SRP19: variants seen among roughly 807,000 people sequenced by gnomAD.
The protein encoded by SRP19 is signal recognition particle 19, also known as signal recognition particle 19 kDa protein.
A neutral mutation model predicts 22.4 loss-of-function variants in SRP19; 11 were observed. The ratio of observed to expected loss-of-function variants is 0.49; its 90% CI spans 0.31 to 0.81. SRP19 has a LOEUF of 0.81. Ranked by LOEUF, SRP19 falls within the 40% of genes least tolerant of loss-of-function variation. The probability of loss-of-function intolerance (pLI) is 0.05; values close to 1 mark genes in which losing one functional copy is unlikely to be tolerated. For missense variants in SRP19, 168 were observed against 175.9 expected, an observed-to-expected ratio of 0.96 and a Z score of 0.25; for synonymous variants, 61 against 57.6, an observed-to-expected ratio of 1.06 and a Z score of -0.27.
At position 112,869,284 on chromosome 5, in the gene SRP19, GGCAGGAAGAAAAGGTAGCTGT is replaced by G. The variant is rs1484115916; in HGVS notation, c.*1750_*1770del. On this transcript the variant is annotated 3_prime_UTR_variant, in exon 5 of 5. Coordinates refer to ENST00000505459, the MANE Select transcript of SRP19 (RefSeq NM_003135.3). ...AGGGCTGATATTTACATGAGTGCAA[GGCAGGAAGAAAAGGTAGCTGT>G]GCCAGCCACTTCTGGCAAGCAGTTC... The G allele has an allele frequency of 1.3e-5, 2 of 152,064 alleles. No individual in the cohort carries two copies. The highest frequency in any genetic ancestry group is 2.9e-5 in the Non-Finnish European group (2 of 68,012). 9.4% of individuals were successfully genotyped at this position (152,064 alleles called of 1,614,324 possible). A position where few individuals can be genotyped will look rare whatever the true frequency, so the allele number is the denominator to read the frequency against.
At chr5:112,884,705 G>T (rs1036520598) in intron 4 of SRP19, among the ~76,000 whole-genome samples, 1 of 151,892 alleles carries the variant, frequency 6.6e-6, no homozygotes, top group African/African-American at 2.4e-5. Flanking sequence ...TATTGAGTCT[G>T]ATTCAGTAGA....
intron 2 of SRP19, 27 bp downstream of exon 2, chr5:112,862,610 C>G: frequency 6.2e-7 from 1 of 1,604,022 alleles, no homozygotes; most frequent in Non-Finnish European, 8.5e-7. Context: ...GCACCTTGAT[C>G]CTCGAGGGAA....
exon 5 of SRP19, chr5:112,892,958 G>A (rs775317900): frequency 4.4e-6 from 7 of 1,594,102 alleles, no homozygotes; most frequent in Middle Eastern, 1.7e-4. Context: ...GACCAGGGCC[G>A]CCGGAGCCAG....
At chr5:112,880,874 A>G (rs1307585365) in intron 4 of SRP19, among the ~76,000 whole-genome samples, 2 of 152,182 alleles carry the variant, frequency 1.3e-5, no homozygotes, top group East Asian at 3.9e-4. Context: ...CATGCCTGTA[A>G]TCCCAGCATT....
chr5:112,874,089 C>T (rs79783070), downstream of SRP19, among the ~76,000 whole-genome samples: 529 of 152,222 alleles, frequency 3.5e-3, 7 homozygotes, highest in East Asian at 0.048. Context: ...TAGCTTGAGC[C>T]CAGGAAATTG....
intron 4 of SRP19, chr5:112,886,931 C>T (rs1425801557): frequency 5.7e-6 from 6 of 1,044,642 alleles, no homozygotes; most frequent in Admixed American, 2.2e-5. Context: ...GGTGATAAGA[C>T]AAGAAGGCCA....
rs1767662428 is a variant in SRP19 at position 112,867,975 on chromosome 5, G to A, written c.*438G>A. The A allele has an allele frequency of 8.1e-6, 8 of 986,788 alleles. No individual in the cohort carries two copies. In the South Asian group the frequency reaches 2.3e-4, roughly 29 times the overall value. The allele number at this position is 986,788 out of a possible 1,614,324, so 61.1% of individuals were successfully genotyped here. On this transcript the variant is annotated 3_prime_UTR_variant, in exon 5 of 5. Coordinates refer to ENST00000505459, the MANE Select transcript of SRP19 (RefSeq NM_003135.3). ...GATAATTAAGAATAAAATATGTAGT[G>A]AAAGTTTCCATAGTGTGAGGCTAAA... is the stretch of plus-strand genomic sequence containing the variant.
chr5:112,892,752 G>C, exon 5 of SRP19: 1 of 1,614,030 alleles, frequency 6.2e-7, no homozygotes, highest in South Asian at 1.1e-5. Flanking sequence ...GGAGGGAGAA[G>C]ATGGGCCACC....
intron 4 of SRP19, among the ~76,000 whole-genome samples, chr5:112,890,958 C>T (rs818425): frequency 0.42 from 63,416 of 150,300 alleles, 15,967 homozygotes; most frequent in African/African-American, 0.67. Flanking sequence ...TTTCTCTGAC[C>T]CAAGAATACT....
downstream of SRP19, among the ~76,000 whole-genome samples, chr5:112,870,845 C>T (rs1002555495): frequency 3.3e-5 from 5 of 152,112 alleles, no homozygotes; most frequent in African/African-American, 1.2e-4. Flanking sequence ...ATACAGGTGC[C>T]ATGCTTTTGG....
downstream of SRP19, among the ~76,000 whole-genome samples, chr5:112,872,924 T>C (rs1332969268): frequency 2.3e-5 from 3 of 129,618 alleles, no homozygotes; most frequent in Non-Finnish European, 3.5e-5. Flanking sequence ...TTTGGCTGGA[T>C]ATAGAATTAC....
intron 4 of SRP19, chr5:112,878,749 G>C: frequency 6.2e-7 from 1 of 1,612,788 alleles, no homozygotes; most frequent in Non-Finnish European, 8.5e-7. Context: ...CCAGTAGGAA[G>C]GTACAGAGAG....
chr5:112,870,365 T>G (rs1448708250), downstream of SRP19, among the ~76,000 whole-genome samples: 2 of 152,024 alleles, frequency 1.3e-5, no homozygotes, highest in African/African-American at 4.8e-5. Context: ...GCCTATAGTC[T>G]TAGCTACTTG....
intron 4 of SRP19, among the ~76,000 whole-genome samples, chr5:112,879,828 C>T (rs1768015621): frequency 6.6e-6 from 1 of 151,994 alleles, no homozygotes; most frequent in Non-Finnish European, 1.5e-5. Flanking sequence ...CCTGTAATCG[C>T]AGCACTTTGG....
chr5:112,874,548 A>G (rs1267936850), downstream of SRP19, among the ~76,000 whole-genome samples: 2 of 152,212 alleles, frequency 1.3e-5, no homozygotes, highest in Non-Finnish European at 2.9e-5. Flanking sequence ...TCCATTGTGC[A>G]GCCAGGTCCG....
At chr5:112,877,905 T>C (rs1767945638) in intron 4 of SRP19, 1 of 152,056 alleles carries the variant, frequency 6.6e-6, no homozygotes, top group South Asian at 2.1e-4. Context: ...ATCTTGACAA[T>C]AGACAAATAT....
intron 2 of SRP19, 35 bp downstream of exon 2, chr5:112,862,618 G>T: frequency 6.3e-7 from 1 of 1,589,808 alleles, no homozygotes; most frequent in Middle Eastern, 1.7e-4. Flanking sequence ...ATCCTCGAGG[G>T]AATGGGGGGT....
chr5:112,866,829 G>A (rs1767621273), intron 4 of SRP19, among the ~76,000 whole-genome samples: 1 of 152,194 alleles, frequency 6.6e-6, no homozygotes, highest in Admixed American at 6.6e-5. Flanking sequence ...AGAAGTTGTG[G>A]TGAGAACATG....
intron 4 of SRP19, chr5:112,887,075 T>G: frequency 3.1e-6 from 5 of 1,613,756 alleles, no homozygotes; most frequent in Non-Finnish European, 4.2e-6. Flanking sequence ...TTGACCACAC[T>G]GTCCATCTGG....
Sources: gnomAD v4.1 joint callset for allele counts (sites outside exome capture counted in the v4.1 genomes callset) on GRCh38, gnomAD v4.1.1 for gene constraint, MANE v1.5 for transcripts, NCBI Gene and HGNC (gene_info 2026-07-23, HGNC 2026-07-21) for gene names.